NFIX: variants seen among roughly 807,000 people sequenced by gnomAD.
NFIX encodes nuclear factor 1 X-type.
A neutral mutation model predicts 53.3 loss-of-function variants in NFIX; 2 were observed. The ratio of observed to expected loss-of-function variants is 0.04; its 90% CI spans 0.02 to 0.12. NFIX has a LOEUF of 0.12. Ranked by LOEUF, NFIX falls within the 10% of genes least tolerant of loss-of-function variation. NFIX has a pLI of 1.00. For missense variants in NFIX, 310 were observed against 674.5 expected (o/e 0.46, Z 5.99); for synonymous variants, 244 against 289.0 (o/e 0.84, Z 1.58).
At chr19:13,018,950 A>T (rs1319074489) in intron 1 of NFIX, among the ~76,000 whole-genome samples, 1 of 152,194 alleles carries the variant, frequency 6.6e-6, no homozygotes, top group Admixed American at 6.5e-5. Context: ...CCCAGGCTGC[A>T]GATATGCTTT....
rs2018341624 is a variant in NFIX at position 13,094,796 on chromosome 19, C to T, written c.*147C>T. 2.4e-6 allele frequency: 2 copies of T among 829,862 alleles called. No homozygotes were observed. The highest frequency in any genetic ancestry group is 2.5e-5 in the Admixed American group (1 of 40,674). The allele number at this position is 829,862 out of a possible 1,614,324, so 51.4% of individuals were successfully genotyped here. ...ACGTCGTCAGCCACTCAGCCCTTCT[C>T]TCCTCCAGCCCGGGGACCCCCGCGG... is the stretch of plus-strand genomic sequence containing the variant. On this transcript the variant is annotated 3_prime_UTR_variant, in exon 11 of 11. Coordinates refer to ENST00000592199, the MANE Select transcript of NFIX (RefSeq NM_001365902.3). The surrounding 1 kb of genome is among the most constrained non-coding windows in gnomAD (Gnocchi z 4.3).
At chr19:13,091,368 G>GTTTTT (rs778831406) in intron 10 of NFIX, among the ~76,000 whole-genome samples, 1 of 52,884 alleles carries the variant, frequency 1.9e-5, no homozygotes, top group Non-Finnish European at 3.7e-5. Context: ...GTTTGAGATT[G>GTTTTT]TTTTTTTTTT....
rs991407194 is a variant in NFIX at position 13,022,910 on chromosome 19, A to G, written c.28-2111A>G. 3.3e-5 allele frequency among the ~76,000 whole-genome samples: 5 copies of G among 151,964 alleles called. No individual in the cohort carries two copies. The highest frequency in any genetic ancestry group is 7.4e-5 in the Non-Finnish European group (5 of 67,948). On this transcript the variant is annotated intron_variant, in intron 1 of 10. Coordinates refer to ENST00000592199, the MANE Select transcript of NFIX (RefSeq NM_001365902.3). The surrounding 1 kb of genome is among the most constrained non-coding windows in gnomAD (Gnocchi z 4.5). ...CATAACTGCTGGACTTTGCTTGTTC[A>G]TTAGACGTGAACTTGTCGATTGGGC... is the stretch of plus-strand genomic sequence containing the variant.
Position 13,060,207 on chromosome 19 carries a change from T to C in NFIX, c.560-12840T>C, listed in dbSNP as rs1442343738. Among the ~76,000 whole-genome samples the C allele has an allele frequency of 2.0e-5, 3 of 152,256 alleles. No homozygotes were observed. The highest frequency in any genetic ancestry group is 1.9e-4 in the East Asian group (1 of 5,198). On this transcript the variant is annotated intron_variant, in intron 2 of 10. Transcript: ENST00000592199. This position sits in a 1 kb window ranked among gnomAD's most constrained non-coding sequence, Gnocchi z 4.3. The stretch of plus-strand genomic sequence containing the variant: ...TTACTAGGGACAGGTAATTCCACTC[T>C]GGCTGCTCCTTGGAGAACAGAGTGG...
intron 2 of NFIX, among the ~76,000 whole-genome samples, chr19:13,069,126 C>T (rs1243466014): frequency 2.0e-5 from 3 of 152,148 alleles, no homozygotes; most frequent in East Asian, 1.9e-4. Flanking sequence ...TGGTGTGGGG[C>T]GAGGGGAAGC....
Position 13,094,078 on chromosome 19 carries a change from C to G in NFIX, c.1495-557C>G, listed in dbSNP as rs1404607661. Among the ~76,000 whole-genome samples the G allele has an allele frequency of 6.6e-6, 1 of 152,216 alleles. No individual in the cohort carries two copies. Among genetic ancestry groups the G allele is most frequent in the Non-Finnish European group, 1.5e-5 (1 of 68,036 alleles). The stretch of plus-strand genomic sequence containing the variant: ...ACCATGGGCTACGTGGCCCCTCCCC[C>G]AGGCCTGGCGCTACTAGGGACTGAA... On this transcript the variant is annotated intron_variant, in intron 10 of 10. Transcript: ENST00000592199. This position sits in a 1 kb window ranked among gnomAD's most constrained non-coding sequence, Gnocchi z 4.3.
At chr19:13,069,216 G>A (rs1408920423) in intron 2 of NFIX, among the ~76,000 whole-genome samples, 1 of 152,176 alleles carries the variant, frequency 6.6e-6, no homozygotes, top group African/African-American at 2.4e-5. Flanking sequence ...AGACTGGGAG[G>A]GTGGTTGGGT....
intron 7 of NFIX, among the ~76,000 whole-genome samples, chr19:13,080,856 C>T (rs10423413): frequency 0.047 from 7,164 of 151,674 alleles, 539 homozygotes; most frequent in African/African-American, 0.16. Flanking sequence ...AAAAATTAGC[C>T]GGGCGTGGTG....
chr19:13,015,637 G>A (rs2012615712), intron 1 of NFIX, among the ~76,000 whole-genome samples: 1 of 152,210 alleles, frequency 6.6e-6, no homozygotes, highest in South Asian at 2.1e-4. Context: ...AGGGCGAGAG[G>A]AGGGGCCCTT....
chr19:13,044,077 C>A (rs2014823450), intron 2 of NFIX, among the ~76,000 whole-genome samples: 1 of 152,234 alleles, frequency 6.6e-6, no homozygotes, highest in Non-Finnish European at 1.5e-5. Flanking sequence ...GTCCCCCACC[C>A]TTTCTCTGTG....
intron 2 of NFIX, among the ~76,000 whole-genome samples, chr19:13,063,689 T>A (rs1302183093): frequency 1.3e-5 from 2 of 152,178 alleles, no homozygotes; most frequent in African/African-American, 4.8e-5. Flanking sequence ...TTTTGTCTTT[T>A]GGTTGCTCTC....
chr19:13,020,896 C>G (rs139296904), intron 1 of NFIX, among the ~76,000 whole-genome samples: 62 of 152,242 alleles, frequency 4.1e-4, no homozygotes, highest in African/African-American at 1.4e-3. Context: ...ATCCCTGACC[C>G]AGTTGTACCA....
rs1568325756 is a variant in NFIX, at chr19:13,081,923, C to A, written c.1254+68C>A. The A allele has an allele frequency of 7.6e-6, 12 of 1,572,382 alleles. No individual in the cohort carries two copies. The highest frequency in any genetic ancestry group is 1.7e-4 in the Middle Eastern group (1 of 5,992). ...CCACATCTATCTGTCTGTCTCAGGG[C>A]TCACAGGGAGAGGGCCCAAAAGCCA... On this transcript the variant is annotated intron_variant, in intron 8 of 10. Transcript: ENST00000592199. The surrounding 1 kb of genome is among the most constrained non-coding windows in gnomAD (Gnocchi z 4.7).
rs1370484251 is a variant in NFIX at position 13,096,237 on chromosome 19, AAC to A, written c.*1592_*1593del. ...TCTCTCTCTTTCTTAATTGTATGAA[AAC>A]ACAAAGCACAGGTCAGGATCCTCTG... is the stretch of plus-strand genomic sequence containing the variant. On this transcript the variant is annotated 3_prime_UTR_variant, in exon 11 of 11. Coordinates refer to ENST00000592199, the MANE Select transcript of NFIX (RefSeq NM_001365902.3). 6.5e-6 allele frequency: 1 copy of A among 152,768 alleles called. No homozygotes were observed. The highest frequency in any genetic ancestry group is 1.5e-5 in the Non-Finnish European group (1 of 68,192). 9.5% of individuals were successfully genotyped at this position (152,768 alleles called of 1,614,324 possible). A position where few individuals can be genotyped will look rare whatever the true frequency, so the allele number is the denominator to read the frequency against.
intron 2 of NFIX, among the ~76,000 whole-genome samples, chr19:13,039,908 G>C (rs141855854): frequency 6.6e-6 from 1 of 152,090 alleles, no homozygotes; most frequent in Admixed American, 6.6e-5. Context: ...AAAGGCTCAC[G>C]ATGGTATAAA....
In NFIX at chr19:13,081,066, AAGGC is replaced by A. The variant is rs2017434318; in HGVS notation, c.1079-607_1079-604del. Reference sequence around the variant, plus strand: ...TGTAATCCCAGCACTTTGGGAGGCCAAGGCAGGCAGATCACTTGAGCCCAGGAGT... The same window carrying A: ...TGTAATCCCAGCACTTTGGGAGGCCAAGGCAGATCACTTGAGCCCAGGAGT... On this transcript the variant is annotated intron_variant, in intron 7 of 10. Transcript: ENST00000592199. The surrounding 1 kb of genome is among the most constrained non-coding windows in gnomAD (Gnocchi z 4.7). Among the ~76,000 whole-genome samples the A allele has an allele frequency of 6.6e-6, 1 of 151,982 alleles. No individual in the cohort carries two copies. Among genetic ancestry groups the A allele is most frequent in the South Asian group, 2.1e-4 (1 of 4,832 alleles).
rs139413815 is a variant in NFIX, at chr19:13,006,480, G to A, written c.27+10616G>A. On this transcript the variant is annotated intron_variant, in intron 1 of 10. Coordinates refer to ENST00000592199, the MANE Select transcript of NFIX (RefSeq NM_001365902.3). The surrounding 1 kb of genome is among the most constrained non-coding windows in gnomAD (Gnocchi z 5.6). ...AGATGGCCGAGGCCTTTCCTTTACAGAAACTGGGGCTTGATGGGCACTGGG... is the reference window on the plus strand; with the variant it reads ...AGATGGCCGAGGCCTTTCCTTTACAAAAACTGGGGCTTGATGGGCACTGGG... 7.3e-4 allele frequency among the ~76,000 whole-genome samples: 111 copies of A among 152,332 alleles called. 3 individuals carry two copies. The East Asian group carries it at 0.02, about 28-fold the overall frequency.
chr19:13,073,470 T>C lies in NFIX; in HGVS notation c.671T>C (p.Val224Ala). 5 of 1,614,024 alleles carry C rather than the reference T, an allele frequency of 3.1e-6. No individual in the cohort carries two copies. The highest frequency in any genetic ancestry group is 4.2e-6 in the Non-Finnish European group (5 of 1,179,878). Residue 224 changes from valine (V) to alanine (A), a missense_variant, in exon 4 of 11, where the codon GTG becomes GCG. Val to Ala is a moderately conservative substitution (Grantham distance 64). This residue lies in a region of NFIX where 164 missense variants were observed against 284.4 expected (regional missense o/e 0.58). Coordinates refer to ENST00000592199, the MANE Select transcript of NFIX (RefSeq NM_001365902.3). The surrounding 1 kb of genome is among the most constrained non-coding windows in gnomAD (Gnocchi z 4.5). ...DCFVTSGVWNVTELVRVSQTP... is the reference protein window; with the variant it reads ...DCFVTSGVWNATELVRVSQTP... ...TTTGTGACTTCCGGGGTCTGGAATG[T>C]GACGGAGCTGGTGAGAGTATCACAG...
intron 5 of NFIX, among the ~76,000 whole-genome samples, 177 bp from the exon 6 acceptor site, chr19:13,075,358 G>A (rs565175043): frequency 6.6e-6 from 1 of 152,260 alleles, no homozygotes; most frequent in African/African-American, 2.4e-5. Flanking sequence ...GGCTTGAGGG[G>A]CCCTAGGGCT....
Sources: gnomAD v4.1 joint callset for allele counts (sites outside exome capture counted in the v4.1 genomes callset) on GRCh38, gnomAD v4.1.1 for gene constraint, gnomAD v4.1.1 regional missense constraint, Gnocchi (gnomAD v3.1) non-coding constraint, MANE v1.5 for transcripts, NCBI Gene and HGNC (gene_info 2026-07-23, HGNC 2026-07-21) for gene names.